Variants in AHCYL2 observed in about 807,000 individuals in gnomAD.
AHCYL2 encodes adenosylhomocysteinase like 2.
AHCYL2 carries 28 observed loss-of-function variants against 81.4 expected under a neutral mutation model. That is an observed-to-expected ratio of 0.34 (90% CI 0.25 to 0.47). The LOEUF is 0.47. AHCYL2 is among the 20% of genes least tolerant of loss of function. AHCYL2 has a pLI of 1.00. For synonymous variants in AHCYL2, 272 were observed against 290.2 expected (o/e 0.94, Z 0.64); for missense variants, 551 against 785.1 (o/e 0.70, Z 3.56).
At chr7:129,394,244 C>T (rs1272156718) in intron 4 of AHCYL2, among the ~76,000 whole-genome samples, 1 of 151,758 alleles carries the variant, frequency 6.6e-6, no homozygotes, top group African/African-American at 2.4e-5. Flanking sequence ...CTCCTGGCCT[C>T]AAGCGATCTC....
chr7:129,330,485 T>A (rs1798379134), intron 1 of AHCYL2, among the ~76,000 whole-genome samples: 1 of 151,666 alleles, frequency 6.6e-6, no homozygotes, highest in Admixed American at 6.6e-5. Flanking sequence ...TTTTTTTTTT[T>A]TTTGAGACGG....
chr7:129,242,573 G>C (rs889838428), intron 1 of AHCYL2, among the ~76,000 whole-genome samples: 1 of 151,914 alleles, frequency 6.6e-6, no homozygotes, highest in Non-Finnish European at 1.5e-5. Flanking sequence ...AAAAATTAGC[G>C]GGGTGTGGTG....
At chr7:129,249,373 C>A (rs1795169844) in intron 1 of AHCYL2, among the ~76,000 whole-genome samples, 1 of 152,122 alleles carries the variant, frequency 6.6e-6, no homozygotes, top group African/African-American at 2.4e-5. Flanking sequence ...ACTATCTATA[C>A]CCAAAACTTT....
chr7:129,397,244 C>T lies in AHCYL2; in HGVS notation c.743C>T (p.Ala248Val), dbSNP rs766317214. 6.2e-7 allele frequency: 1 copy of T among 1,614,114 alleles called. No homozygotes were observed. Among genetic ancestry groups the T allele is most frequent in the Non-Finnish European group, 8.5e-7 (1 of 1,180,014 alleles). Residue 248 changes from alanine to valine, a missense_variant, in exon 5 of 17, where the codon GCT (alanine) becomes GTT (valine). Coordinates refer to ENST00000325006, the MANE Select transcript of AHCYL2 (RefSeq NM_015328.4). ...CAGGTGCTTATGGAAACTCTGGGTG[C>T]TCTGGGGGCCCAGTGCCGATGGGCT... ...QTAVLMETLG[A>V]LGAQCRWAAC...
chr7:129,321,430 T>C (rs2150788407), intron 1 of AHCYL2, among the ~76,000 whole-genome samples: 1 of 152,346 alleles, frequency 6.6e-6, no homozygotes, highest in Middle Eastern at 3.4e-3. Context: ...GTATGGTTTT[T>C]CTTTTTTAGT....
At chr7:129,375,542 G>A in intron 1 of AHCYL2, 2 of 1,024,200 alleles carry the variant, frequency 2.0e-6, no homozygotes, top group South Asian at 3.5e-5. Context: ...ATGCAAGTTG[G>A]GCCTTGTCAA....
At chr7:129,386,775 C>T (rs932111984) in intron 2 of AHCYL2, among the ~76,000 whole-genome samples, 2 of 152,150 alleles carry the variant, frequency 1.3e-5, no homozygotes, top group Non-Finnish European at 2.9e-5. Context: ...GTTAGGACTC[C>T]AGTCTCAACC....
intron 6 of AHCYL2, among the ~76,000 whole-genome samples, chr7:129,402,493 A>T (rs1267376650): frequency 2.0e-5 from 3 of 152,184 alleles, no homozygotes; most frequent in Non-Finnish European, 4.4e-5. Flanking sequence ...GGGACTTTCC[A>T]GGAGGATGGG....
rs36071728 is a variant in AHCYL2 at position 129,421,516 on chromosome 7, C to T, written c.1462-1324C>T. Among the ~76,000 whole-genome samples the T allele has an allele frequency of 4.3e-3, 656 of 152,234 alleles. 2 individuals are homozygous for T. Among genetic ancestry groups the T allele is most frequent in the Non-Finnish European group, 7.6e-3 (518 of 68,002 alleles). On this transcript the variant is annotated intron_variant, in intron 12 of 16. Coordinates refer to ENST00000325006, the MANE Select transcript of AHCYL2 (RefSeq NM_015328.4). Reference sequence around the variant, plus strand: ...TGGATAGAGCCCTAAAAAAGTGAAACTGATTGGTCAAAGATTAGGTACATA... The same window carrying T: ...TGGATAGAGCCCTAAAAAAGTGAAATTGATTGGTCAAAGATTAGGTACATA...
intron 1 of AHCYL2, among the ~76,000 whole-genome samples, chr7:129,278,092 T>A (rs1796289709): frequency 6.6e-6 from 1 of 152,238 alleles, no homozygotes; most frequent in Non-Finnish European, 1.5e-5. Flanking sequence ...TCAGTCTTTA[T>A]TTTTAGCCAT....
intron 1 of AHCYL2, among the ~76,000 whole-genome samples, chr7:129,374,349 A>G (rs1205924188): frequency 6.6e-6 from 1 of 152,178 alleles, no homozygotes; most frequent in Admixed American, 6.5e-5. Context: ...TCAAGTGAGA[A>G]TAATACTGCC....
intron 4 of AHCYL2, among the ~76,000 whole-genome samples, chr7:129,393,892 G>A (rs1795585316): frequency 6.6e-6 from 1 of 152,224 alleles, no homozygotes; most frequent in Non-Finnish European, 1.5e-5. Flanking sequence ...AGAAGGCAAA[G>A]AGGGAAAGAA....
chr7:129,241,853 A>AT lies in AHCYL2; in HGVS notation c.363+16422dup, dbSNP rs528113784. ...GGCAACATAGTGAGACCCTATCTCTATTTTTTTTAAAAAAGGGAGACAGAA... is the reference window on the plus strand; with the variant it reads ...GGCAACATAGTGAGACCCTATCTCTATTTTTTTTTAAAAAAGGGAGACAGAA... On this transcript the variant is annotated intron_variant, in intron 1 of 16. Coordinates refer to ENST00000325006, the MANE Select transcript of AHCYL2 (RefSeq NM_015328.4). Among the ~76,000 whole-genome samples the AT allele has an allele frequency of 9.4e-4, 142 of 151,350 alleles. 1 individual carries two copies. Among genetic ancestry groups the AT allele is most frequent in the African/African-American group, 3.3e-3 (137 of 41,086 alleles).
At chr7:129,231,912 G>A (rs767545142) in intron 1 of AHCYL2, among the ~76,000 whole-genome samples, 2 of 151,742 alleles carry the variant, frequency 1.3e-5, no homozygotes, top group Non-Finnish European at 2.9e-5. Context: ...TTGGACGCTT[G>A]CACTAAAAGC....
chr7:129,401,377 C>T (rs772608469), intron 6 of AHCYL2, among the ~76,000 whole-genome samples: 66 of 149,930 alleles, frequency 4.4e-4, no homozygotes, highest in Non-Finnish European at 7.0e-4. Flanking sequence ...ATAAGGTGCT[C>T]CTATTTTGCA....
intron 2 of AHCYL2, among the ~76,000 whole-genome samples, chr7:129,387,006 T>C (rs1795233998): frequency 6.6e-6 from 1 of 152,224 alleles, no homozygotes; most frequent in Non-Finnish European, 1.5e-5. Context: ...TATTGAGTGC[T>C]TAATTACTGT....
chr7:129,273,508 A>G (rs1796091089), intron 1 of AHCYL2, among the ~76,000 whole-genome samples: 1 of 151,460 alleles, frequency 6.6e-6, no homozygotes, highest in Non-Finnish European at 1.5e-5. Context: ...TTGTATTTTT[A>G]GTAGAGACGA....
intron 1 of AHCYL2, among the ~76,000 whole-genome samples, chr7:129,261,768 T>C (rs1563170864): frequency 6.6e-6 from 1 of 152,250 alleles, no homozygotes; most frequent in Non-Finnish European, 1.5e-5. Context: ...TCTTCCATTT[T>C]TCATGAGAGA....
At chr7:129,274,813 G>C (rs1394710566) in intron 1 of AHCYL2, among the ~76,000 whole-genome samples, 1 of 152,166 alleles carries the variant, frequency 6.6e-6, no homozygotes, top group African/African-American at 2.4e-5. Context: ...GTCAGCCTTA[G>C]GAGTGAGTGA....
Sources: allele counts gnomAD v4.1 joint callset (sites outside exome capture counted in the v4.1 genomes callset), GRCh38; gene constraint gnomAD v4.1.1; transcripts MANE v1.5; gene names NCBI Gene and HGNC (gene_info 2026-07-23, HGNC 2026-07-21).